GGA3: variants seen among roughly 807,000 people sequenced by gnomAD.
The protein encoded by GGA3 is golgi associated, gamma adaptin ear containing, ARF binding protein 3, also known as ADP-ribosylation factor-binding protein GGA3.
A neutral mutation model predicts 77.5 loss-of-function variants in GGA3; 57 were observed. The ratio of observed to expected loss-of-function variants is 0.74; its 90% CI spans 0.59 to 0.92. The LOEUF is 0.92. GGA3 is among the 40% of genes least tolerant of loss of function. GGA3 has a pLI of 0.00. For missense variants in GGA3, 970 were observed against 914.9 expected, an observed-to-expected ratio of 1.06 and a Z score of -0.78; for synonymous variants, 416 against 383.7, an observed-to-expected ratio of 1.08 and a Z score of -0.98.
chr17:75,249,073 T>G, intron 1 of GGA3: 83 of 770,360 alleles, frequency 1.1e-4, no homozygotes, highest in Non-Finnish European at 1.2e-4. Context: ...TGAGATTGAG[T>G]CTCGCTGTGT....
chr17:75,249,066 G>T, intron 1 of GGA3: 1 of 912,858 alleles, frequency 1.1e-6, no homozygotes, highest in Non-Finnish European at 1.3e-6. Flanking sequence ...TTTATTTTGA[G>T]ATTGAGTCTC....
chr17:75,238,428 G>A (rs2076396772), intron 16 of GGA3, 39 bp from the exon 17 acceptor site: 1 of 1,560,934 alleles, frequency 6.4e-7, no homozygotes, highest in Non-Finnish European at 8.8e-7. Context: ...AGCCCAGGCG[G>A]CCCCTTGGCA....
rs755844680 is a variant in GGA3, at chr17:75,242,828, C to T, written c.609+3G>A. On this transcript the variant is annotated splice_donor_region_variant and intron_variant, in intron 7 of 16. Coordinates refer to ENST00000537686, the MANE Select transcript of GGA3 (RefSeq NM_138619.4). The stretch of plus-strand genomic sequence containing the variant: ...CGTGCCTGAAGGACCGGGGCCCACT[C>T]ACTTCCTTCACCATGGACTTGATGA... The T allele has an allele frequency of 2.5e-6, 4 of 1,611,680 alleles. 1 individual carries two copies. The South Asian group carries it at 4.4e-5, about 18-fold the overall frequency.
In GGA3 at chr17:75,259,047, G is replaced by A. The variant is rs547984513; in HGVS notation, c.40+2501C>T. On this transcript the variant is annotated intron_variant, in intron 1 of 16. Coordinates refer to ENST00000537686, the MANE Select transcript of GGA3 (RefSeq NM_138619.4). ...CAGCTCACTGCAAGCTCCACCTCTC[G>A]GGTTCACACCATTCTCCTGCCTCAG... 4.2e-4 allele frequency among the ~76,000 whole-genome samples: 64 copies of A among 151,104 alleles called. No individual in the cohort carries two copies. In the East Asian group the frequency reaches 7.4e-3, roughly 18 times the overall value.
rs367837492 is a variant in GGA3, at chr17:75,239,457, A to G, written c.1698T>C (p.Ser566=). 6.3e-7 allele frequency: 1 copy of G among 1,580,882 alleles called. No homozygotes were observed. The highest frequency in any genetic ancestry group is 1.4e-5 in the African/African-American group (1 of 72,532). The change falls in exon 14 of 17, where the codon AGT becomes AGC. Residue 566 remains serine (S), a synonymous_variant. Coordinates refer to ENST00000537686, the MANE Select transcript of GGA3 (RefSeq NM_138619.4). ...TCGGGGGGCTGCCCTGGGACTGGAA[A>G]CTCAGTGGCTGGAAGAGCGGGCTGC... The part of the protein sequence containing the change: ...GPGSPLFQPL[S]FQSQGSPPKG...
chr17:75,239,161 G>A, intron 14 of GGA3, 78 bp from the exon 15 acceptor site: 1 of 1,354,646 alleles, frequency 7.4e-7, no homozygotes, highest in Non-Finnish European at 1.0e-6. Flanking sequence ...GGAGAAAAGG[G>A]CTACTCCGTG....
intron 1 of GGA3, among the ~76,000 whole-genome samples, chr17:75,258,660 A>G (rs1333606527): frequency 1.3e-5 from 2 of 151,924 alleles, no homozygotes; most frequent in African/African-American, 4.8e-5. Context: ...ACAGTGCAAG[A>G]CTCTGTCTCA....
chr17:75,237,917 T>TCCCAACC lies in GGA3; in HGVS notation c.*361_*362insGGTTGGG. The TCCCAACC allele has an allele frequency of 1.3e-6, 1 of 761,998 alleles. No individual in the cohort carries two copies. Among genetic ancestry groups the TCCCAACC allele is most frequent in the African/African-American group, 2.8e-5 (1 of 36,070 alleles). 47.2% of individuals were successfully genotyped at this position (761,998 alleles called of 1,614,324 possible). A position where few individuals can be genotyped will look rare whatever the true frequency, so the allele number is the denominator to read the frequency against. On this transcript the variant is annotated 3_prime_UTR_variant, in exon 17 of 17. Coordinates refer to ENST00000537686, the MANE Select transcript of GGA3 (RefSeq NM_138619.4). ...CCCATGACAGTCTCTCTTTAGAGAC[T>TCCCAACC]CCCACCCCCCACCCCCCACCCCAGT...
At chr17:75,241,762 G>C (rs1390400774) in intron 8 of GGA3, 66 bp from the exon 9 acceptor site, 2 of 1,368,358 alleles carry the variant, frequency 1.5e-6, no homozygotes, top group Non-Finnish European at 2.1e-6. Flanking sequence ...ATTCATTCAG[G>C]GTTCATGCCC....
In GGA3 at chr17:75,244,669, C is replaced by T; in HGVS notation, c.250G>A (p.Val84Met). 1 of 1,614,064 alleles carries T rather than the reference C, an allele frequency of 6.2e-7. No individual in the cohort carries two copies. The highest frequency in any genetic ancestry group is 1.1e-5 in the South Asian group (1 of 91,082). ...KNCGRRFHNE[V>M]GKFRFLNELI... The stretch of plus-strand genomic sequence containing the variant: ...TCATTCAAAAAGCGGAACTTCCCCA[C>T]TTCGTTATGAAATCTCCTCCCACAG... The change falls in exon 4 of 17, where the codon GTG becomes ATG. Residue 84 changes from valine (V) to methionine (M), a missense_variant. By Grantham distance (21) the Val-to-Met change is conservative (BLOSUM62 1). Coordinates refer to ENST00000537686, the MANE Select transcript of GGA3 (RefSeq NM_138619.4).
chr17:75,261,660 A>T, upstream of GGA3: 1 of 1,401,528 alleles, frequency 7.1e-7, no homozygotes, highest in South Asian at 1.4e-5. Context: ...CGGGGCCTGC[A>T]TGGGGTCCTG....
rs188042662 is a variant in GGA3 at position 75,253,070 on chromosome 17, G to A, written c.41-6274C>T. The stretch of plus-strand genomic sequence containing the variant: ...CGCATGAAATTTGGTGCCATGACTC[G>A]GATCGCGGGACCTCCCTTGGGAGAT... On this transcript the variant is annotated intron_variant, in intron 1 of 16. Transcript: ENST00000537686. Among the ~76,000 whole-genome samples the A allele has an allele frequency of 2.9e-3, 440 of 152,248 alleles. 2 individuals carry two copies. Among genetic ancestry groups the A allele is most frequent in the Non-Finnish European group, 5.2e-3 (356 of 68,024 alleles).
chr17:75,244,222 A>G (rs2076675777), intron 4 of GGA3, among the ~76,000 whole-genome samples: 1 of 152,216 alleles, frequency 6.6e-6, no homozygotes. Context: ...GCGCCACACC[A>G]GCGTGCAACA....
chr17:75,239,467 T>TG lies in GGA3; in HGVS notation c.1687dup (p.Gln563ProfsTer16). 6.3e-7 allele frequency: 1 copy of TG among 1,581,642 alleles called. No homozygotes were observed. The highest frequency in any genetic ancestry group is 8.5e-7 in the Non-Finnish European group (1 of 1,171,234). Reference sequence around the variant, plus strand: ...GCCCTGGGACTGGAAACTCAGTGGCTGGAAGAGCGGGCTGCCGGGCCCCGT... The same window carrying TG: ...GCCCTGGGACTGGAAACTCAGTGGCTGGGAAGAGCGGGCTGCCGGGCCCCGT... On this transcript the variant is annotated frameshift_variant, in exon 14 of 17. Coordinates refer to ENST00000537686, the MANE Select transcript of GGA3 (RefSeq NM_138619.4). LOFTEE classifies it high-confidence loss of function.
In GGA3 at chr17:75,240,752, C is replaced by T. The variant is rs1401507076; in HGVS notation, c.1192+60G>A. 4.6e-6 allele frequency: 7 copies of T among 1,530,422 alleles called. No homozygotes were observed. The East Asian group carries it at 1.4e-4, about 30-fold the overall frequency. 94.8% of individuals were successfully genotyped at this position (1,530,422 alleles called of 1,614,324 possible). A position where few individuals can be genotyped will look rare whatever the true frequency, so the allele number is the denominator to read the frequency against. On this transcript the variant is annotated intron_variant, in intron 11 of 16. Coordinates refer to ENST00000537686, the MANE Select transcript of GGA3 (RefSeq NM_138619.4). ...GCCCCGCTCAGGGCTCCTAATTCCACACACCCTTCCTCCCAGAGCCCTGTC... is the reference window on the plus strand; with the variant it reads ...GCCCCGCTCAGGGCTCCTAATTCCATACACCCTTCCTCCCAGAGCCCTGTC...
At chr17:75,254,200 C>A (rs1267367435) in intron 1 of GGA3, among the ~76,000 whole-genome samples, 2 of 152,016 alleles carry the variant, frequency 1.3e-5, no homozygotes, top group African/African-American at 4.8e-5. Context: ...TTCTACAGAC[C>A]CATCTGACCT....
At position 75,261,598 on chromosome 17, in the gene GGA3, C is replaced by T. The variant is rs747837812; in HGVS notation, c.-11G>A. On this transcript the variant is annotated 5_prime_UTR_variant, in exon 1 of 17. Transcript: ENST00000537686. Reference sequence around the variant, plus strand: ...TTCCGCCTCCGCCATATTGCAGCCGCCCGGCCCCGCGGCTTCAAAACTCGC... The same window carrying T: ...TTCCGCCTCCGCCATATTGCAGCCGTCCGGCCCCGCGGCTTCAAAACTCGC... The T allele has an allele frequency of 1.1e-5, 17 of 1,544,178 alleles. No homozygotes were observed. The highest frequency in any genetic ancestry group is 2.4e-5 in the East Asian group (1 of 42,042).
chr17:75,237,932 C>T lies in GGA3; in HGVS notation c.*347G>A. The T allele has an allele frequency of 3.4e-6, 2 of 595,362 alleles. No individual in the cohort carries two copies. The allele number at this position is 595,362 out of a possible 1,614,324, so 36.9% of individuals were successfully genotyped here. A position where few individuals can be genotyped will look rare whatever the true frequency, so the allele number is the denominator to read the frequency against. Reference sequence around the variant, plus strand: ...CTTTAGAGACTCCCACCCCCCACCCCCCACCCCAGTGGCTTCAGTGAATGC... The same window carrying T: ...CTTTAGAGACTCCCACCCCCCACCCTCCACCCCAGTGGCTTCAGTGAATGC... On this transcript the variant is annotated 3_prime_UTR_variant, in exon 17 of 17. Coordinates refer to ENST00000537686, the MANE Select transcript of GGA3 (RefSeq NM_138619.4).
Position 75,237,909 on chromosome 17 carries a change from T to C in GGA3, c.*370A>G, listed in dbSNP as rs1215476816. 2.4e-6 allele frequency: 3 copies of C among 1,257,116 alleles called. No individual in the cohort carries two copies. Among genetic ancestry groups the C allele is most frequent in the African/African-American group, 1.6e-5 (1 of 63,550 alleles). The allele number at this position is 1,257,116 out of a possible 1,614,324, so 77.9% of individuals were successfully genotyped here. ...GGGAATGACCCATGACAGTCTCTCT[T>C]TAGAGACTCCCACCCCCCACCCCCC... is the stretch of plus-strand genomic sequence containing the variant. On this transcript the variant is annotated 3_prime_UTR_variant, in exon 17 of 17. Coordinates refer to ENST00000537686, the MANE Select transcript of GGA3 (RefSeq NM_138619.4).
Sources: gnomAD v4.1 joint callset for allele counts (sites outside exome capture counted in the v4.1 genomes callset) on GRCh38, gnomAD v4.1.1 for gene constraint, MANE v1.5 for transcripts, NCBI Gene and HGNC (gene_info 2026-07-23, HGNC 2026-07-21) for gene names.